The following ASPHD2 variants were observed in gnomAD, a reference collection of about 807,000 sequenced individuals.
ASPHD2 encodes the protein aspartate beta-hydroxylase domain-containing protein 2.
In ASPHD2, 12 loss-of-function variants were observed where a neutral mutation model predicts 34.6. The observed-to-expected ratio is 0.35, with a 90% CI of 0.22 to 0.56. The LOEUF (loss-of-function observed/expected upper bound fraction) is 0.56. Ranked by LOEUF, ASPHD2 falls within the 20% of genes least tolerant of loss-of-function variation. ASPHD2 has a pLI of 0.87. For missense variants in ASPHD2, 375 were observed against 505.0 expected, an observed-to-expected ratio of 0.74 and a Z score of 2.47; for synonymous variants, 224 against 212.2, an observed-to-expected ratio of 1.06 and a Z score of -0.48.
At chr22:26,442,332 C>T in intron 2 of ASPHD2, 127 bp from the exon 3 acceptor site, 1 of 689,994 alleles carries the variant, frequency 1.4e-6, no homozygotes, top group East Asian at 2.7e-5. Flanking sequence ...GCACGGGCTC[C>T]AGAGGTGTGA....
Position 26,433,317 on chromosome 22 carries a change from G to C in ASPHD2, c.-224-75G>C. ...CCCACCAACTAGGATCCTACAGAAC[G>C]ATCTAACACTTTACATTTCAGTTGA... On this transcript the variant is annotated intron_variant, in intron 1 of 3. Coordinates refer to ENST00000215906, the MANE Select transcript of ASPHD2 (RefSeq NM_020437.5). This position sits in a 1 kb window ranked among gnomAD's most constrained non-coding sequence, Gnocchi z 5.1. 1 of 434,534 alleles carries C rather than the reference G, an allele frequency of 2.3e-6. No homozygotes were observed. Among genetic ancestry groups the C allele is most frequent in the Non-Finnish European group, 4.1e-6 (1 of 241,128 alleles). The allele number at this position is 434,534 out of a possible 1,614,324, so 26.9% of individuals were successfully genotyped here. A position where few individuals can be genotyped will look rare whatever the true frequency, so the allele number is the denominator to read the frequency against.
Position 26,438,674 on chromosome 22 carries a change from T to TAC in ASPHD2, c.887-3783_887-3782dup, listed in dbSNP as rs545259150. 5.9e-3 allele frequency among the ~76,000 whole-genome samples: 728 copies of TAC among 122,550 alleles called. 19 individuals carry two copies. Among genetic ancestry groups the TAC allele is most frequent in the East Asian group, 0.025 (115 of 4,610 alleles). 80.4% of individuals were successfully genotyped at this position (122,550 alleles called of 152,430 possible). A position where few individuals can be genotyped will look rare whatever the true frequency, so the allele number is the denominator to read the frequency against. ...ATACATATATATATATACACATACA[T>TAC]ACATACACACACACACACACATATA... On this transcript the variant is annotated intron_variant, in intron 2 of 3. Coordinates refer to ENST00000215906, the MANE Select transcript of ASPHD2 (RefSeq NM_020437.5).
At chr22:26,436,773 T>C (rs1026099626) in intron 2 of ASPHD2, among the ~76,000 whole-genome samples, 5 of 152,194 alleles carry the variant, frequency 3.3e-5, no homozygotes, top group African/African-American at 1.2e-4. Flanking sequence ...GAAGTGATGG[T>C]AGCAAGGAAA....
intron 2 of ASPHD2, among the ~76,000 whole-genome samples, chr22:26,438,848 A>C (rs1265272386): frequency 1.3e-5 from 2 of 152,098 alleles, no homozygotes; most frequent in Non-Finnish European, 2.9e-5. Flanking sequence ...AGCTTCGAGC[A>C]CTGGAGAAAG....
rs148636649 is a variant in ASPHD2, at chr22:26,439,291, C to T, written c.887-3168C>T. Among the ~76,000 whole-genome samples the T allele has an allele frequency of 3.8e-3, 571 of 152,122 alleles. 14 individuals carry two copies. The East Asian group carries it at 0.065, about 17-fold the overall frequency. On this transcript the variant is annotated intron_variant, in intron 2 of 3. Transcript: ENST00000215906. The stretch of plus-strand genomic sequence containing the variant: ...GTGCACACTTGTAATCCCAGCTACT[C>T]GGGAGGCTGAGGCAGGAGAATTGCT...
chr22:26,435,380 T>C (rs1366121661), intron 2 of ASPHD2, among the ~76,000 whole-genome samples: 1 of 148,452 alleles, frequency 6.7e-6, no homozygotes, highest in African/African-American at 2.4e-5. Context: ...TGAGTGGCGA[T>C]AAAAAGCTCG....
At chr22:26,430,036 C>T (rs1282903051) in intron 1 of ASPHD2, among the ~76,000 whole-genome samples, 3 of 152,212 alleles carry the variant, frequency 2.0e-5, no homozygotes, top group African/African-American at 7.2e-5. Context: ...TCAGCCCTCC[C>T]CTCTTTCCCA....
Position 26,442,722 on chromosome 22 carries a change from T to C in ASPHD2, c.1000+150T>C, listed in dbSNP as rs2084859531. The C allele has an allele frequency of 4.9e-6, 3 of 617,516 alleles. No homozygotes were observed. In the African/African-American group the frequency reaches 5.5e-5, roughly 11 times the overall value. 38.3% of individuals were successfully genotyped at this position (617,516 alleles called of 1,614,324 possible). ...AACACATATACACACACAGTATTGA[T>C]GCGTTATTATTACCTAAAGTTCATG... On this transcript the variant is annotated intron_variant, in intron 3 of 3. Coordinates refer to ENST00000215906, the MANE Select transcript of ASPHD2 (RefSeq NM_020437.5).
At chr22:26,438,431 A>G (rs2084806158) in intron 2 of ASPHD2, among the ~76,000 whole-genome samples, 2 of 149,998 alleles carry the variant, frequency 1.3e-5, no homozygotes, top group Non-Finnish European at 3.0e-5. Flanking sequence ...ACACAGATAT[A>G]TACACACATA....
chr22:26,441,535 A>G (rs990241972), intron 2 of ASPHD2, among the ~76,000 whole-genome samples: 6 of 150,826 alleles, frequency 4.0e-5, no homozygotes, highest in African/African-American at 1.5e-4. Flanking sequence ...CATGCCTGTA[A>G]TCCCAGCACT....
At position 26,433,655 on chromosome 22, in the gene ASPHD2, C is replaced by G. The variant is rs774463027; in HGVS notation, c.40C>G (p.Leu14Val). The G allele has an allele frequency of 6.2e-6, 10 of 1,614,122 alleles. No individual in the cohort carries two copies. In the South Asian group the frequency reaches 9.9e-5, roughly 16 times the overall value. ...APLGPPRTDC[L>V]TLLHTPSKDS... The stretch of plus-strand genomic sequence containing the variant: ...CTTGGGACCCCCGAGGACTGATTGT[C>G]TGACCTTGCTTCACACGCCCAGTAA... The change falls in exon 2 of 4, where the codon CTG (leucine) becomes GTG (valine). Residue 14 changes from leucine (L) to valine (V), a missense_variant. By Grantham distance (32) the Leu-to-Val change is conservative. Coordinates refer to ENST00000215906, the MANE Select transcript of ASPHD2 (RefSeq NM_020437.5). This position sits in a 1 kb window ranked among gnomAD's most constrained non-coding sequence, Gnocchi z 5.1.
rs1459195136 is a variant in ASPHD2 at position 26,433,698 on chromosome 22, C to T, written c.83C>T (p.Ser28Leu). The change falls in exon 2 of 4, where the codon TCG becomes TTG. Residue 28 changes from serine to leucine, a missense_variant. Physicochemically the swap from Ser to Leu is moderately radical, Grantham distance 145. Coordinates refer to ENST00000215906, the MANE Select transcript of ASPHD2 (RefSeq NM_020437.5). This position sits in a 1 kb window ranked among gnomAD's most constrained non-coding sequence, Gnocchi z 5.1. ...CCCAGTAAGGACTCCCCCAAGATGT[C>T]GCTCGAGTGGCTGGTGGCCTGGAGC... ...HTPSKDSPKM[S>L]LEWLVAWSWS... 4 of 1,614,098 alleles carry T rather than the reference C, an allele frequency of 2.5e-6. No individual in the cohort carries two copies. Among genetic ancestry groups the T allele is most frequent in the East Asian group, 2.2e-5 (1 of 44,878 alleles).
rs1230598838 is a variant in ASPHD2, at chr22:26,444,648, CCA to C, written c.*1443_*1444del. ...TATACAGCTGGTCGCAGGTGCAGGT[CCA>C]GTGTTTAGATCCAAATGGAAAACAG... On this transcript the variant is annotated 3_prime_UTR_variant, in exon 4 of 4. Transcript: ENST00000215906. The C allele has an allele frequency of 6.6e-6, 1 of 152,174 alleles. No individual in the cohort carries two copies. Among genetic ancestry groups the C allele is most frequent in the Admixed American group, 6.5e-5 (1 of 15,276 alleles). The allele number at this position is 152,174 out of a possible 1,614,324, so 9.4% of individuals were successfully genotyped here. A position where few individuals can be genotyped will look rare whatever the true frequency, so the allele number is the denominator to read the frequency against.
intron 2 of ASPHD2, among the ~76,000 whole-genome samples, chr22:26,438,582 C>CACACATAT (rs2084813093): frequency 3.2e-4 from 44 of 137,722 alleles, no homozygotes; most frequent in African/African-American, 6.7e-4. Flanking sequence ...CATATATATA[C>CACACATAT]ATACATATAT....
At chr22:26,442,707 C>T (rs1251969271) in intron 3 of ASPHD2, 135 bp downstream of exon 3, 7 of 640,796 alleles carry the variant, frequency 1.1e-5, no homozygotes, top group Non-Finnish European at 1.9e-5. Context: ...AACACATATA[C>T]ACACACAGTA....
At chr22:26,432,069 C>T (rs2084760051) in intron 1 of ASPHD2, among the ~76,000 whole-genome samples, 1 of 152,200 alleles carries the variant, frequency 6.6e-6, no homozygotes, top group African/African-American at 2.4e-5. Context: ...ATGGCGCATG[C>T]CTGTAATCCC....
At chr22:26,435,006 A>T (rs936988153) in intron 2 of ASPHD2, among the ~76,000 whole-genome samples, 6 of 152,180 alleles carry the variant, frequency 3.9e-5, no homozygotes, top group Admixed American at 3.3e-4. Flanking sequence ...TCAAGGATGA[A>T]ATGATCCTTG....
chr22:26,442,963 G>A, intron 3 of ASPHD2, 134 bp from the exon 4 acceptor site: 2 of 707,778 alleles, frequency 2.8e-6, no homozygotes, highest in South Asian at 1.6e-5. Context: ...AGAGGAGGTG[G>A]TCCGATCCGA....
At chr22:26,430,391 C>T (rs983362794) in intron 1 of ASPHD2, among the ~76,000 whole-genome samples, 2 of 152,190 alleles carry the variant, frequency 1.3e-5, no homozygotes, top group Admixed American at 1.3e-4. Flanking sequence ...GGACTCAATT[C>T]CCCAGAGCCA....
Sources: allele counts gnomAD v4.1 joint callset (sites outside exome capture counted in the v4.1 genomes callset), GRCh38; gene constraint gnomAD v4.1.1; non-coding constraint Gnocchi (gnomAD v3.1); transcripts MANE v1.5; gene names NCBI Gene and HGNC (gene_info 2026-07-23, HGNC 2026-07-21).